Variants in CDYL observed in about 807,000 individuals in gnomAD.
The protein encoded by CDYL is chromodomain Y-like protein.
In CDYL, 8 loss-of-function variants were observed where a neutral mutation model predicts 47.3. That is an observed-to-expected ratio of 0.17 (90% confidence interval 0.10 to 0.31). The LOEUF (loss-of-function observed/expected upper bound fraction) is 0.31, where lower values mean the gene tolerates loss of function less well. CDYL is among the 10% of genes least tolerant of loss of function. CDYL has a pLI of 1.00. For synonymous variants in CDYL, 266 were observed against 265.0 expected (o/e 1.00, Z -0.04); for missense variants, 471 against 701.4 (o/e 0.67, Z 3.71).
At position 4,863,825 on chromosome 6, in the gene CDYL, C is replaced by T. The variant is rs77949536; in HGVS notation, c.25-27888C>T. Among the ~76,000 whole-genome samples, 1,243 of 152,272 alleles carry T rather than the reference C, an allele frequency of 8.2e-3. 8 individuals are homozygous for T. The highest frequency in any genetic ancestry group is 0.031 in the Middle Eastern group (9 of 294). Reference sequence around the variant, plus strand: ...ATAAACCTGTATCCCATTTCCTTTCCTTATGTGGGACCCAAGACCTTGTCT... The same window carrying T: ...ATAAACCTGTATCCCATTTCCTTTCTTTATGTGGGACCCAAGACCTTGTCT... On this transcript the variant is annotated intron_variant, in intron 1 of 6. Coordinates refer to ENST00000397588, the MANE Select transcript of CDYL (RefSeq NM_004824.4).
intron 1 of CDYL, among the ~76,000 whole-genome samples, chr6:4,885,714 G>A (rs143356878): frequency 1.4e-3 from 214 of 152,324 alleles, no homozygotes; most frequent in Non-Finnish European, 2.5e-3. Flanking sequence ...TTCTGAAAGT[G>A]TCTTTATTTC....
At chr6:4,846,771 A>G (rs1760673350) in intron 1 of CDYL, among the ~76,000 whole-genome samples, 1 of 152,240 alleles carries the variant, frequency 6.6e-6, no homozygotes, top group Non-Finnish European at 1.5e-5. Flanking sequence ...ATAATATTTA[A>G]TTAAAAATGA....
chr6:4,779,853 A>G (rs1178220962), intron 1 of CDYL, among the ~76,000 whole-genome samples: 1 of 152,236 alleles, frequency 6.6e-6, no homozygotes, highest in African/African-American at 2.4e-5. Context: ...AAGCAGTCGT[A>G]GACTCCTATA....
chr6:4,773,166 G>A (rs952771244), upstream of CDYL: 2 of 457,408 alleles, frequency 4.4e-6, no homozygotes, highest in South Asian at 1.5e-5. The surrounding 1 kb of genome is among the most constrained non-coding windows in gnomAD (Gnocchi z 4.6). Context: ...CTACAACAAC[G>A]GGAGCAGGTC....
chr6:4,924,721 C>T (rs1010760345), intron 2 of CDYL, among the ~76,000 whole-genome samples: 2 of 152,164 alleles, frequency 1.3e-5, no homozygotes, highest in African/African-American at 2.4e-5. Context: ...GACTTCGATA[C>T]TGAGCAGTTG....
intron 1 of CDYL, among the ~76,000 whole-genome samples, chr6:4,891,374 CA>C (rs750043121): frequency 1.3e-5 from 2 of 152,180 alleles, no homozygotes; most frequent in Non-Finnish European, 2.9e-5. Context: ...GGCACAGCTG[CA>C]GATGCCTCGA....
intron 1 of CDYL, among the ~76,000 whole-genome samples, chr6:4,799,950 A>T (rs1246557163): frequency 3.3e-5 from 5 of 152,162 alleles, no homozygotes; most frequent in Non-Finnish European, 7.4e-5. Context: ...TTCTAGTAAT[A>T]CTTTTCGAAG....
chr6:4,790,925 G>A (rs1408828808), intron 1 of CDYL, among the ~76,000 whole-genome samples: 1 of 152,170 alleles, frequency 6.6e-6, no homozygotes, highest in African/African-American at 2.4e-5. Context: ...TGTCCAAGTA[G>A]GCTAACTGAA....
chr6:4,805,799 G>T (rs1759352366), intron 1 of CDYL, among the ~76,000 whole-genome samples: 1 of 152,198 alleles, frequency 6.6e-6, no homozygotes, highest in Non-Finnish European at 1.5e-5. Flanking sequence ...ATGCCTAAGA[G>T]GCTTAAGAGG....
chr6:4,729,674 T>C (rs1355138619), intron 2 of CDYL, among the ~76,000 whole-genome samples: 1 of 152,196 alleles, frequency 6.6e-6, no homozygotes, highest in Non-Finnish European at 1.5e-5. Context: ...TCCCAGCACT[T>C]TGGGAGGCCA....
At chr6:4,772,157 G>T (rs553620690), upstream of CDYL, among the ~76,000 whole-genome samples, 1 of 152,244 alleles carries the variant, frequency 6.6e-6, no homozygotes, top group Non-Finnish European at 1.5e-5. Context: ...TCCGGCCAGT[G>T]ATGGTATCAC....
At chr6:4,807,494 A>G (rs1446333976) in intron 1 of CDYL, among the ~76,000 whole-genome samples, 1 of 151,014 alleles carries the variant, frequency 6.6e-6, no homozygotes, top group African/African-American at 2.4e-5. Context: ...TGCTTACCTA[A>G]TGGTGATTGT....
At chr6:4,848,712 C>CT (rs1760736284) in intron 1 of CDYL, among the ~76,000 whole-genome samples, 1 of 152,194 alleles carries the variant, frequency 6.6e-6, no homozygotes, top group African/African-American at 2.4e-5. Context: ...TGGCTTGCGT[C>CT]TGAGTCTTTA....
chr6:4,743,250 G>A (rs1757829643), intron 3 of CDYL, among the ~76,000 whole-genome samples: 1 of 152,144 alleles, frequency 6.6e-6, no homozygotes, highest in Non-Finnish European at 1.5e-5. Flanking sequence ...AGTGCCTGGG[G>A]CCACAGCCTT....
intron 2 of CDYL, among the ~76,000 whole-genome samples, chr6:4,915,944 G>A (rs1026483399): frequency 5.3e-5 from 8 of 152,186 alleles, no homozygotes; most frequent in African/African-American, 1.7e-4. Context: ...CACCTCTTCA[G>A]ATAGGGCTTA....
intron 1 of CDYL, among the ~76,000 whole-genome samples, chr6:4,891,323 C>T (rs1762034014): frequency 6.6e-6 from 1 of 152,200 alleles, no homozygotes; most frequent in Admixed American, 6.5e-5. Flanking sequence ...CCACTCCAGG[C>T]TGTTGCCTGG....
chr6:4,850,764 ATCTT>A (rs1760800862), intron 1 of CDYL, among the ~76,000 whole-genome samples: 1 of 152,202 alleles, frequency 6.6e-6, no homozygotes, highest in Non-Finnish European at 1.5e-5. Context: ...AATAAGGTGA[ATCTT>A]TCTTCATTTG....
intron 1 of CDYL, among the ~76,000 whole-genome samples, chr6:4,780,008 C>G (rs1419971711): frequency 6.6e-6 from 1 of 152,024 alleles, no homozygotes; most frequent in African/African-American, 2.4e-5. Flanking sequence ...CTTGTAGGTT[C>G]CACAAAAATA....
chr6:4,830,737 A>G (rs1027107266), intron 1 of CDYL, among the ~76,000 whole-genome samples: 7 of 142,870 alleles, frequency 4.9e-5, no homozygotes, highest in East Asian at 4.4e-4. Flanking sequence ...ATATCTCCCA[A>G]TGCTATCCCT....
Sources: gnomAD v4.1 joint callset for allele counts (sites outside exome capture counted in the v4.1 genomes callset) on GRCh38, gnomAD v4.1.1 for gene constraint, Gnocchi (gnomAD v3.1) non-coding constraint, MANE v1.5 for transcripts, NCBI Gene and HGNC (gene_info 2026-07-23, HGNC 2026-07-21) for gene names.